Variants in SHOC1 observed in about 807,000 individuals in gnomAD.
SHOC1 encodes protein shortage in chiasmata 1 ortholog.
In SHOC1, 136 loss-of-function variants were observed where a neutral mutation model predicts 179.2. That is an observed-to-expected ratio of 0.76 (90% CI 0.66 to 0.87). The LOEUF (loss-of-function observed/expected upper bound fraction) is 0.87. SHOC1 is among the 40% of genes least tolerant of loss of function. SHOC1 has a pLI of 0.00. For synonymous variants in SHOC1, 489 were observed against 586.6 expected (o/e 0.83, Z 2.41); for missense variants, 1,538 against 1,700.8 (o/e 0.90, Z 1.68).
chr9:111,714,442 A>C lies in SHOC1; in HGVS notation c.2415+3T>G. On this transcript the variant is annotated splice_donor_region_variant and intron_variant, in intron 17 of 27. Coordinates refer to ENST00000682961, the MANE Select transcript of SHOC1 (RefSeq NM_001378211.1). ...TTTTACCGGCTTTATTCCAATACTT[A>C]ACCTTAATTTGCTGTTGACTTTGCA... 6.2e-7 allele frequency: 1 copy of C among 1,612,958 alleles called. No homozygotes were observed. The highest frequency in any genetic ancestry group is 2.2e-5 in the East Asian group (1 of 44,822).
intron 5 of SHOC1, among the ~76,000 whole-genome samples, chr9:111,768,409 G>T (rs1434067045): frequency 1.3e-5 from 2 of 151,992 alleles, no homozygotes; most frequent in Non-Finnish European, 2.9e-5. Flanking sequence ...TTTTAGTAGA[G>T]ACAGGGTTTC....
intron 27 of SHOC1, among the ~76,000 whole-genome samples, chr9:111,690,069 A>G (rs970280349): frequency 3.4e-5 from 5 of 145,822 alleles, no homozygotes; most frequent in African/African-American, 1.0e-4. Flanking sequence ...ACACAATCTA[A>G]TATCATGAAT....
rs747494420 is a variant in SHOC1 at position 111,706,630 on chromosome 9, C to T, written c.2675G>A (p.Cys892Tyr). Residue 892 changes from cysteine to tyrosine, a missense_variant, in exon 20 of 28, where the codon TGC (cysteine) becomes TAC (tyrosine). Transcript: ENST00000682961. ...YVEDSCWTKH[C>Y]KELNIPYMAF... ...CATGTAAGGAATATTCAACTCTTTG[C>T]AGTGTTTAGTCCAACAAGAGTCTTC... 1.2e-6 allele frequency: 2 copies of T among 1,605,706 alleles called. No individual in the cohort carries two copies. The highest frequency in any genetic ancestry group is 3.4e-5 in the Admixed American group (2 of 59,178).
chr9:111,688,676 G>A (rs1831289743), intron 27 of SHOC1, among the ~76,000 whole-genome samples: 1 of 151,508 alleles, frequency 6.6e-6, no homozygotes, highest in African/African-American at 2.4e-5. Flanking sequence ...CCCACTCTTG[G>A]CTCAAAGAAA....
rs755580295 is a variant in SHOC1 at position 111,718,141 on chromosome 9, A to G, written c.2236+43T>C. ...AAAAGTAAGTTATTTCAGATGAAAT[A>G]TTTAATAGGAAGAAAAGAGGAAATA... On this transcript the variant is annotated intron_variant, in intron 16 of 27. Coordinates refer to ENST00000682961, the MANE Select transcript of SHOC1 (RefSeq NM_001378211.1). 4 of 1,371,614 alleles carry G rather than the reference A, an allele frequency of 2.9e-6. No homozygotes were observed. The African/African-American group carries it at 5.9e-5, about 20-fold the overall frequency. The allele number at this position is 1,371,614 out of a possible 1,614,324, so 85.0% of individuals were successfully genotyped here. A position where few individuals can be genotyped will look rare whatever the true frequency, so the allele number is the denominator to read the frequency against.
In SHOC1 at chr9:111,713,101, T is replaced by C. The variant is rs768772416; in HGVS notation, c.2487A>G (p.Glu829=). Residue 829 remains glutamate, a splice_region_variant and synonymous_variant, in exon 18 of 28, where the codon GAA becomes GAG. Transcript: ENST00000682961. ...HFLIKILNKI[E]GLTLTVLHSN... ...GAAGCATAATTTAAAACTGCCTACC[T>C]TCTATTTTGTTAAGAATTTTAATGA... 1 of 1,549,330 alleles carries C rather than the reference T, an allele frequency of 6.5e-7. No homozygotes were observed. Among genetic ancestry groups the C allele is most frequent in the South Asian group, 1.1e-5 (1 of 87,880 alleles).
chr9:111,728,451 T>C (rs1261985453), intron 12 of SHOC1, among the ~76,000 whole-genome samples: 1 of 152,170 alleles, frequency 6.6e-6, no homozygotes, highest in Non-Finnish European at 1.5e-5. Context: ...AAGAACTCCT[T>C]ATAACTCTAT....
intron 10 of SHOC1, among the ~76,000 whole-genome samples, chr9:111,741,799 T>C (rs1480750017): frequency 6.6e-6 from 1 of 152,006 alleles, no homozygotes. Flanking sequence ...GCCTGACTAA[T>C]TTTTGTATTT....
rs188243250 is a variant in SHOC1, at chr9:111,700,700, C to T, written c.3090-653G>A. On this transcript the variant is annotated intron_variant, in intron 23 of 27. Transcript: ENST00000682961. ...CGGCTCTTCTTTCCTGTTTTGGATT[C>T]TTTCTCAGATTAGCTGTTTCCATAT... Among the ~76,000 whole-genome samples, 53 of 152,034 alleles carry T rather than the reference C, an allele frequency of 3.5e-4. No homozygotes were observed. The East Asian group carries it at 9.1e-3, about 26-fold the overall frequency.
rs1831436866 is a variant in SHOC1 at position 111,691,745 on chromosome 9, T to C, written c.4232A>G (p.Glu1411Gly). 2.5e-6 allele frequency: 4 copies of C among 1,614,046 alleles called. No individual in the cohort carries two copies. Among genetic ancestry groups the C allele is most frequent in the Non-Finnish European group, 3.4e-6 (4 of 1,179,958 alleles). ...LSDESEGLTCESSKDETFWRE... is the reference protein window; with the variant it reads ...LSDESEGLTCGSSKDETFWRE... ...CCAGAAAGTCTCATCTTTTGAACTTTCACATGTGAGGCCTTCAGACTCATC... is the reference window on the plus strand; with the variant it reads ...CCAGAAAGTCTCATCTTTTGAACTTCCACATGTGAGGCCTTCAGACTCATC... The change falls in exon 27 of 28, where the codon GAA (glutamate) becomes GGA (glycine). Residue 1411 changes from glutamate to glycine, a missense_variant. Coordinates refer to ENST00000682961, the MANE Select transcript of SHOC1 (RefSeq NM_001378211.1).
rs1236178351 is a variant in SHOC1 at position 111,690,726 on chromosome 9, G to GT, written c.4426+824dup. 2.0e-5 allele frequency among the ~76,000 whole-genome samples: 3 copies of GT among 152,104 alleles called. No homozygotes were observed. The East Asian group carries it at 5.8e-4, about 29-fold the overall frequency. On this transcript the variant is annotated intron_variant, in intron 27 of 27. Transcript: ENST00000682961. ...ATTAAAGTGAGGAACAAAACAAGTT[G>GT]TAAGTATTAAATAAGAGCAAATCCA...
chr9:111,710,467 C>T (rs7022896), intron 18 of SHOC1, among the ~76,000 whole-genome samples: 4 of 151,924 alleles, frequency 2.6e-5, no homozygotes, highest in South Asian at 2.1e-4. Context: ...GTGTGTACTA[C>T]GTATATAGAG....
intron 22 of SHOC1, among the ~76,000 whole-genome samples, chr9:111,702,541 G>C (rs1173357825): frequency 6.6e-6 from 1 of 152,162 alleles, no homozygotes; most frequent in Non-Finnish European, 1.5e-5. Flanking sequence ...TATTGCCTTT[G>C]GAATAATCAG....
At chr9:111,739,590 C>A (rs570051431) in intron 11 of SHOC1, among the ~76,000 whole-genome samples, 2 of 152,024 alleles carry the variant, frequency 1.3e-5, no homozygotes, top group South Asian at 4.1e-4. Flanking sequence ...TGTCATTCTG[C>A]ATAATTATTT....
chr9:111,777,065 G>T (rs1302003573), intron 4 of SHOC1, among the ~76,000 whole-genome samples: 1 of 152,132 alleles, frequency 6.6e-6, no homozygotes, highest in Non-Finnish European at 1.5e-5. Context: ...AAATATAGGG[G>T]GTGGAAGTGA....
chr9:111,781,672 G>C (rs909355843), intron 3 of SHOC1, among the ~76,000 whole-genome samples: 1 of 151,988 alleles, frequency 6.6e-6, no homozygotes, highest in African/African-American at 2.4e-5. Context: ...GCAGTGAGCA[G>C]AGATTGTGCC....
At chr9:111,703,848 A>G (rs1832106385) in intron 22 of SHOC1, 33 bp downstream of exon 22, 1 of 1,069,680 alleles carries the variant, frequency 9.3e-7, no homozygotes, top group Non-Finnish European at 1.4e-6. Context: ...ATTTTAGTCT[A>G]TTTTAGTTTA....
chr9:111,719,547 A>T (rs1368278190), intron 15 of SHOC1, among the ~76,000 whole-genome samples: 1 of 152,218 alleles, frequency 6.6e-6, no homozygotes, highest in East Asian at 1.9e-4. Flanking sequence ...AACTATATCC[A>T]GAAGACATGA....
intron 5 of SHOC1, among the ~76,000 whole-genome samples, chr9:111,772,283 C>T (rs1330817034): frequency 6.6e-6 from 1 of 152,048 alleles, no homozygotes; most frequent in Admixed American, 6.6e-5. Context: ...AACAAATTCT[C>T]TTTGTTAAAT....
Sources: allele counts gnomAD v4.1 joint callset (sites outside exome capture counted in the v4.1 genomes callset), GRCh38; gene constraint gnomAD v4.1.1; transcripts MANE v1.5; gene names NCBI Gene and HGNC (gene_info 2026-07-23, HGNC 2026-07-21).